The following ELFN2 variants were observed in gnomAD, a reference collection of about 807,000 sequenced individuals.
ELFN2 encodes the protein extracellular leucine rich repeat and fibronectin type III domain containing 2.
Under a neutral mutation model 45.5 loss-of-function variants are expected in ELFN2, and 17 were observed. That is an observed-to-expected ratio of 0.37 (90% CI 0.26 to 0.56). ELFN2 has a LOEUF of 0.56. Among genes scored for constraint, ELFN2 ranks in the 20% least tolerant of loss-of-function variants. The pLI, the probability that ELFN2 is intolerant of heterozygous loss-of-function variation, is 0.77. For synonymous variants in ELFN2, 550 were observed against 551.5 expected, an observed-to-expected ratio of 1.00 and a Z score of 0.04; for missense variants, 922 against 1,183.2, an observed-to-expected ratio of 0.78 and a Z score of 3.24.
chr22:37,417,289 C>A lies in ELFN2; in HGVS notation c.-463+480G>T, dbSNP rs1056080736. Among the ~76,000 whole-genome samples the A allele has an allele frequency of 3.9e-5, 6 of 152,228 alleles. No individual in the cohort carries two copies. Among genetic ancestry groups the A allele is most frequent in the African/African-American group, 1.4e-4 (6 of 41,466 alleles). On this transcript the variant is annotated intron_variant, in intron 2 of 2. Coordinates refer to ENST00000402918, the MANE Select transcript of ELFN2 (RefSeq NM_052906.5). This position sits in a 1 kb window ranked among gnomAD's most constrained non-coding sequence, Gnocchi z 4.5. Reference sequence around the variant, plus strand: ...TCAGGCCCCATATCAATTCTGCTGGCGTTTTCCCCTGCTCCCGGCTCACTT... The same window carrying A: ...TCAGGCCCCATATCAATTCTGCTGGAGTTTTCCCCTGCTCCCGGCTCACTT...
At chr22:37,384,451 C>T (rs939151177) in intron 2 of ELFN2, among the ~76,000 whole-genome samples, 1 of 151,778 alleles carries the variant, frequency 6.6e-6, no homozygotes, top group Admixed American at 6.6e-5. Context: ...CTTTACCTCT[C>T]CTCCCCTGGA....
At chr22:37,355,280 C>T (rs1041636370) in intron 1 of ELFN2, among the ~76,000 whole-genome samples, 5 of 152,318 alleles carry the variant, frequency 3.3e-5, no homozygotes, top group East Asian at 3.9e-4. Context: ...GAGCACTGGC[C>T]GTTTGCCTGT....
In ELFN2 at chr22:37,374,050, C is replaced by A. The variant is rs1931478921; in HGVS notation, c.1485G>T (p.Lys495Asn). 8.1e-6 allele frequency: 13 copies of A among 1,613,216 alleles called. No homozygotes were observed. Among genetic ancestry groups the A allele is most frequent in the Non-Finnish European group, 1.1e-5 (13 of 1,180,012 alleles). ...CGATATAGTTGCCTTTGGTGGCTAC[C>A]TTGGGTGTGTCCAGCCCGGCCTCCA... ...KGLEAGLDTPKVATKGNYIEV... is the reference protein window; with the variant it reads ...KGLEAGLDTPNVATKGNYIEV... The change falls in exon 3 of 3, where the codon AAG becomes AAT. Residue 495 changes from lysine (K) to asparagine (N), a missense_variant. This residue lies in a region of ELFN2 where 564 missense variants were observed against 642.8 expected (regional missense o/e 0.88). Transcript: ENST00000402918.
intron 2 of ELFN2, among the ~76,000 whole-genome samples, chr22:37,409,617 C>T (rs975323250): frequency 6.6e-6 from 1 of 152,230 alleles, no homozygotes; most frequent in Non-Finnish European, 1.5e-5. Context: ...CCCAGGGCAG[C>T]GTGCCGGGTC....
At chr22:37,413,992 G>A (rs572781429) in intron 2 of ELFN2, among the ~76,000 whole-genome samples, 7 of 152,302 alleles carry the variant, frequency 4.6e-5, no homozygotes, top group East Asian at 1.9e-4. Context: ...GTGTACCCAC[G>A]GCACCTTACC....
intron 2 of ELFN2, among the ~76,000 whole-genome samples, chr22:37,397,664 G>A (rs1266973035): frequency 6.6e-6 from 1 of 152,184 alleles, no homozygotes; most frequent in African/African-American, 2.4e-5. Flanking sequence ...GGGACGTGGG[G>A]CTCTCACTTC....
At chr22:37,362,493 G>A (rs1282887667) in intron 1 of ELFN2, among the ~76,000 whole-genome samples, 1 of 152,222 alleles carries the variant, frequency 6.6e-6, no homozygotes. Context: ...GGGGTTGACA[G>A]GGCCGGCACA....
In ELFN2 at chr22:37,372,872, G is replaced by A. The variant is rs917257303; in HGVS notation, c.*200C>T. The stretch of plus-strand genomic sequence containing the variant: ...AAGGAAAATGTGTCTCTGTTTTCCT[G>A]TCCGTTATTGTCGGATGTTGGTTTG... On this transcript the variant is annotated 3_prime_UTR_variant, in exon 3 of 3. Coordinates refer to ENST00000402918, the MANE Select transcript of ELFN2 (RefSeq NM_052906.5). This position sits in a 1 kb window ranked among gnomAD's most constrained non-coding sequence, Gnocchi z 4.4. The A allele has an allele frequency of 1.0e-5, 6 of 594,614 alleles. No homozygotes were observed. Among genetic ancestry groups the A allele is most frequent in the African/African-American group, 1.9e-5 (1 of 53,690 alleles). 36.8% of individuals were successfully genotyped at this position (594,614 alleles called of 1,614,324 possible). A position where few individuals can be genotyped will look rare whatever the true frequency, so the allele number is the denominator to read the frequency against.
chr22:37,425,905 T>G (rs1294978260), intron 1 of ELFN2, among the ~76,000 whole-genome samples: 1 of 95,764 alleles, frequency 1.0e-5, no homozygotes. Context: ...ACACTCCCAG[T>G]CCCATCTCAT....
chr22:37,366,118 G>A (rs563080504), downstream of ELFN2, among the ~76,000 whole-genome samples: 126 of 152,184 alleles, frequency 8.3e-4, no homozygotes, highest in Non-Finnish European at 1.5e-3. Flanking sequence ...GCAGATACGC[G>A]ACACTTATGA....
intron 2 of ELFN2, among the ~76,000 whole-genome samples, chr22:37,397,784 C>T (rs1409883344): frequency 6.9e-6 from 1 of 145,836 alleles, no homozygotes; most frequent in South Asian, 2.2e-4. Flanking sequence ...TTCCTAAGCA[C>T]AAGGAGGGGA....
intron 1 of ELFN2, among the ~76,000 whole-genome samples, chr22:37,357,517 T>C (rs1299558400): frequency 6.6e-6 from 1 of 152,220 alleles, no homozygotes; most frequent in Non-Finnish European, 1.5e-5. Flanking sequence ...TTCTTACTGA[T>C]TTTTAGCCAC....
intron 1 of ELFN2, among the ~76,000 whole-genome samples, chr22:37,344,682 G>A (rs937138812): frequency 6.6e-6 from 1 of 152,140 alleles, no homozygotes; most frequent in Non-Finnish European, 1.5e-5. Context: ...CTCCATGCAC[G>A]TGGCCCTCAG....
chr22:37,389,541 C>T (rs1932040487), intron 2 of ELFN2, among the ~76,000 whole-genome samples: 1 of 152,092 alleles, frequency 6.6e-6, no homozygotes, highest in Non-Finnish European at 1.5e-5. Context: ...CCCTGCTATG[C>T]CCCCACAACC....
At chr22:37,410,737 G>A (rs923568268) in intron 2 of ELFN2, among the ~76,000 whole-genome samples, 1 of 152,186 alleles carries the variant, frequency 6.6e-6, no homozygotes, top group Non-Finnish European at 1.5e-5. Context: ...CGAAGCAACC[G>A]AGGAGCGGAG....
At chr22:37,352,354 A>AGGCACCTGCTGTGTG (rs1569125611) in intron 1 of ELFN2, 11 of 150,574 alleles carry the variant, frequency 7.3e-5, no homozygotes, top group African/African-American at 2.7e-4. Flanking sequence ...GTCACTATCA[A>AGGCACCTGCTGTGTG]TCAGGCACCT....
At chr22:37,419,073 T>C (rs1384265579) in intron 1 of ELFN2, 2 of 151,254 alleles carry the variant, frequency 1.3e-5, no homozygotes, top group Non-Finnish European at 2.9e-5. Flanking sequence ...CCCCTCGGCA[T>C]TGCCATTCAC....
chr22:37,367,435 G>A (rs918519939), downstream of ELFN2, among the ~76,000 whole-genome samples: 5 of 152,234 alleles, frequency 3.3e-5, no homozygotes, highest in Non-Finnish European at 7.3e-5. Context: ...CCCAGGACAG[G>A]CTGCCCAGGC....
At chr22:37,341,965 C>T (rs985769719) in intron 2 of ELFN2, among the ~76,000 whole-genome samples, 4 of 152,154 alleles carry the variant, frequency 2.6e-5, no homozygotes, top group African/African-American at 9.7e-5. Context: ...CCAAGCCTGG[C>T]TCACCCACTC....
Sources: gnomAD v4.1 joint callset for allele counts (sites outside exome capture counted in the v4.1 genomes callset) on GRCh38, gnomAD v4.1.1 for gene constraint, gnomAD v4.1.1 regional missense constraint, Gnocchi (gnomAD v3.1) non-coding constraint, MANE v1.5 for transcripts, NCBI Gene and HGNC (gene_info 2026-07-23, HGNC 2026-07-21) for gene names.